Variants in FLRT1 observed in about 807,000 individuals in gnomAD.
FLRT1 encodes the protein leucine-rich repeat transmembrane protein FLRT1.
A neutral mutation model predicts 30.9 loss-of-function variants in FLRT1; 14 were observed. That is an observed-to-expected ratio of 0.45 (90% CI 0.30 to 0.71). FLRT1 has a LOEUF of 0.71. FLRT1 is among the 30% of genes least tolerant of loss of function. The pLI, the probability that FLRT1 is intolerant of heterozygous loss-of-function variation, is 0.08. For missense variants in FLRT1, 737 were observed against 949.2 expected, an observed-to-expected ratio of 0.78 and a Z score of 2.94; for synonymous variants, 368 against 430.4, an observed-to-expected ratio of 0.85 and a Z score of 1.80.
intron 1 of FLRT1, among the ~76,000 whole-genome samples, chr11:64,085,337 G>A (rs1184404763): frequency 2.5e-4 from 38 of 152,186 alleles, no homozygotes; most frequent in Non-Finnish European, 7.3e-5. Flanking sequence ...CTCAGCGCCC[G>A]CTGCTCCCAC....
intron 1 of FLRT1, among the ~76,000 whole-genome samples, chr11:64,101,931 T>G (rs1434648953): frequency 6.6e-6 from 1 of 152,210 alleles, no homozygotes; most frequent in African/African-American, 2.4e-5. Context: ...ACCACCTGGC[T>G]GGCACACACC....
intron 1 of FLRT1, among the ~76,000 whole-genome samples, chr11:64,088,863 C>G (rs891361958): frequency 6.6e-6 from 1 of 152,064 alleles, no homozygotes; most frequent in Non-Finnish European, 1.5e-5. Flanking sequence ...TAGGCAGGAT[C>G]GCAGGCGGAA....
rs201127490 is a variant in FLRT1, at chr11:64,117,499, C to T, written c.1232C>T (p.Thr411Ile). 11 of 1,610,278 alleles carry T rather than the reference C, an allele frequency of 6.8e-6. No homozygotes were observed. The highest frequency in any genetic ancestry group is 2.7e-5 in the African/African-American group (2 of 74,868). ...SATTPQGSLFTLKAKRPGLRL... is the reference protein window; with the variant it reads ...SATTPQGSLFILKAKRPGLRL... ...ACCACGCCCCAGGGTTCCCTGTTTA[C>T]CCTCAAGGCCAAAAGGCCAGGGCTG... Residue 411 changes from threonine (T) to isoleucine (I), a missense_variant, in exon 3 of 3, where the codon ACC (threonine) becomes ATC (isoleucine). By Grantham distance (89) the Thr-to-Ile change is moderately conservative. Coordinates refer to ENST00000682287, the MANE Select transcript of FLRT1 (RefSeq NM_013280.5).
At chr11:64,084,578 T>C (rs903183256) in intron 1 of FLRT1, among the ~76,000 whole-genome samples, 1 of 152,152 alleles carries the variant, frequency 6.6e-6, no homozygotes, top group Non-Finnish European at 1.5e-5. Context: ...CTCACTTTCC[T>C]TCTCTGTAAA....
In FLRT1 at chr11:64,117,465, G is replaced by A. The variant is rs759613760; in HGVS notation, c.1198G>A (p.Ala400Thr). 2.4e-5 allele frequency: 38 copies of A among 1,612,812 alleles called. No homozygotes were observed. The highest frequency in any genetic ancestry group is 1.6e-4 in the Middle Eastern group (1 of 6,080). Residue 400 changes from alanine to threonine, a missense_variant, in exon 3 of 3, where the codon GCC (alanine) becomes ACC (threonine). Physicochemically the swap from Ala to Thr is moderately conservative, Grantham distance 58. Transcript: ENST00000682287. ...AAAKTTASNH[A>T]SATTPQGSLF... The stretch of plus-strand genomic sequence containing the variant: ...TGCCAAGACCACGGCCAGCAACCAC[G>A]CCTCTGCCACCACGCCCCAGGGTTC...
intron 1 of FLRT1, among the ~76,000 whole-genome samples, chr11:64,092,041 A>G (rs548173437): frequency 6.6e-6 from 1 of 152,250 alleles, no homozygotes; most frequent in Admixed American, 6.5e-5. Context: ...TGAGGGTCCC[A>G]AAAAACAATC....
intron 1 of FLRT1, among the ~76,000 whole-genome samples, chr11:64,050,673 C>G (rs755446484): frequency 5.9e-5 from 9 of 152,232 alleles, no homozygotes; most frequent in African/African-American, 9.6e-5. Flanking sequence ...GGCTGGAGTG[C>G]AGTGGCGCGA....
rs1172686553 is a variant in FLRT1, at chr11:64,117,343, G to T, written c.1076G>T (p.Gly359Val). 6.2e-7 allele frequency: 1 copy of T among 1,613,812 alleles called. No individual in the cohort carries two copies. ...VVNVRGLMCQGPEKVRGMAIK... is the reference protein window; with the variant it reads ...VVNVRGLMCQVPEKVRGMAIK... ...AACGTGCGGGGCCTCATGTGCCAGGGCCCTGAGAAGGTCCGGGGCATGGCC... is the reference window on the plus strand; with the variant it reads ...AACGTGCGGGGCCTCATGTGCCAGGTCCCTGAGAAGGTCCGGGGCATGGCC... The change falls in exon 3 of 3, where the codon GGC becomes GTC. Residue 359 changes from glycine (G) to valine (V), a missense_variant. Coordinates refer to ENST00000682287, the MANE Select transcript of FLRT1 (RefSeq NM_013280.5).
intron 1 of FLRT1, among the ~76,000 whole-genome samples, chr11:64,037,770 G>A (rs1943410667): frequency 1.3e-5 from 2 of 152,202 alleles, no homozygotes; most frequent in East Asian, 1.9e-4. Context: ...CAAGGCAGCT[G>A]TGGCCTGCTG....
chr11:64,117,496 T>A lies in FLRT1; in HGVS notation c.1229T>A (p.Phe410Tyr), dbSNP rs914896380. 15 of 1,611,220 alleles carry A rather than the reference T, an allele frequency of 9.3e-6. No individual in the cohort carries two copies. Among genetic ancestry groups the A allele is most frequent in the African/African-American group, 1.3e-5 (1 of 75,022 alleles). The stretch of plus-strand genomic sequence containing the variant: ...GCCACCACGCCCCAGGGTTCCCTGT[T>A]TACCCTCAAGGCCAAAAGGCCAGGG... Reference protein sequence around the residue: ...ASATTPQGSLFTLKAKRPGLR... With the variant: ...ASATTPQGSLYTLKAKRPGLR... Residue 410 changes from phenylalanine (F) to tyrosine (Y), a missense_variant, in exon 3 of 3, where the codon TTT (phenylalanine) becomes TAT (tyrosine). Coordinates refer to ENST00000682287, the MANE Select transcript of FLRT1 (RefSeq NM_013280.5).
At chr11:64,097,575 G>A (rs1403439332) in intron 1 of FLRT1, among the ~76,000 whole-genome samples, 3 of 152,216 alleles carry the variant, frequency 2.0e-5, no homozygotes, top group East Asian at 3.8e-4. Flanking sequence ...GGCCTGGCTC[G>A]CACACTCTCG....
intron 1 of FLRT1, among the ~76,000 whole-genome samples, chr11:64,098,742 G>T (rs1424247384): frequency 6.6e-6 from 1 of 152,210 alleles, no homozygotes; most frequent in Non-Finnish European, 1.5e-5. Context: ...TGCTTACAAT[G>T]ATCTAAACTC....
chr11:64,095,183 T>G (rs1944555502), intron 1 of FLRT1, among the ~76,000 whole-genome samples: 1 of 152,210 alleles, frequency 6.6e-6, no homozygotes, highest in Non-Finnish European at 1.5e-5. Flanking sequence ...TGGGCTGGCT[T>G]GCTTGCTTTA....
Position 64,116,521 on chromosome 11 carries a change from C to A in FLRT1, c.254C>A (p.Thr85Asn). Residue 85 changes from threonine (T) to asparagine (N), a missense_variant, in exon 3 of 3, where the codon ACC becomes AAC. Thr to Asn is a moderately conservative substitution (Grantham distance 65). Transcript: ENST00000682287. Reference protein sequence around the residue: ...IPADIPDDATTLYLQNNQINN... With the variant: ...IPADIPDDATNLYLQNNQINN... The stretch of plus-strand genomic sequence containing the variant: ...GCAGATATCCCTGATGATGCCACCA[C>A]CCTCTACCTGCAGAACAACCAGATC... 2.5e-6 allele frequency: 4 copies of A among 1,614,064 alleles called. No individual in the cohort carries two copies. The highest frequency in any genetic ancestry group is 3.4e-6 in the Non-Finnish European group (4 of 1,179,982).
In FLRT1 at chr11:64,038,113, C is replaced by T. The variant is rs1045745270; in HGVS notation, c.-1038+1954C>T. Among the ~76,000 whole-genome samples the T allele has an allele frequency of 4.6e-5, 7 of 152,166 alleles. 1 individual carries two copies. The highest frequency in any genetic ancestry group is 7.2e-5 in the African/African-American group (3 of 41,440). On this transcript the variant is annotated intron_variant, in intron 1 of 2. Transcript: ENST00000682287. The stretch of plus-strand genomic sequence containing the variant: ...CCCTGTGTCCCCTCCTCCCCATCTC[C>T]GAGGCCTCCCATGAAAGCCCCTGGG...
At chr11:64,063,978 C>T (rs898244539) in intron 1 of FLRT1, among the ~76,000 whole-genome samples, 2 of 152,166 alleles carry the variant, frequency 1.3e-5, no homozygotes, top group African/African-American at 4.8e-5. Flanking sequence ...GAATCGCATC[C>T]GAGTGACGGC....
chr11:64,059,301 G>A (rs984982033), intron 1 of FLRT1, among the ~76,000 whole-genome samples: 1 of 152,180 alleles, frequency 6.6e-6, no homozygotes, highest in African/African-American at 2.4e-5. Flanking sequence ...TGCGGGTCCT[G>A]GCTCCACTGA....
intron 1 of FLRT1, among the ~76,000 whole-genome samples, chr11:64,048,323 T>TGCCA (rs990599178): frequency 6.6e-6 from 1 of 152,224 alleles, no homozygotes; most frequent in Non-Finnish European, 1.5e-5. Context: ...CCAGCCTTTG[T>TGCCA]GCCAGTGCAC....
chr11:64,088,962 G>A (rs1944442261), intron 1 of FLRT1, among the ~76,000 whole-genome samples: 2 of 152,180 alleles, frequency 1.3e-5, no homozygotes, highest in African/African-American at 4.8e-5. Context: ...CATGGAGGCT[G>A]GGGAGGAGGC....
Sources: allele counts gnomAD v4.1 joint callset (sites outside exome capture counted in the v4.1 genomes callset), GRCh38; gene constraint gnomAD v4.1.1; transcripts MANE v1.5; gene names NCBI Gene and HGNC (gene_info 2026-07-23, HGNC 2026-07-21).